SPRED2: variants seen among roughly 807,000 people sequenced by gnomAD.
SPRED2 encodes sprouty-related, EVH1 domain-containing protein 2.
A neutral mutation model predicts 43.0 loss-of-function variants in SPRED2; 47 were observed. The observed-to-expected ratio is 1.09, with a 90% CI of 0.87 to 1.40. SPRED2 has a LOEUF of 1.40. SPRED2 is among the 40% of genes most tolerant of loss of function. The pLI is 0.00. For missense variants in SPRED2, 561 were observed against 586.4 expected (o/e 0.96, Z 0.45); for synonymous variants, 225 against 225.7 (o/e 1.00, Z 0.03).
At chr2:65,374,386 G>A (rs891126940) in intron 1 of SPRED2, among the ~76,000 whole-genome samples, 9 of 152,210 alleles carry the variant, frequency 5.9e-5, no homozygotes, top group African/African-American at 1.9e-4. Context: ...AACTGCAGGA[G>A]CCAGAACTGG....
chr2:65,336,668 G>T (rs1673976046), intron 2 of SPRED2, among the ~76,000 whole-genome samples: 1 of 152,122 alleles, frequency 6.6e-6, no homozygotes, highest in African/African-American at 2.4e-5. Context: ...GAATTTAATA[G>T]TCTCAATTCA....
chr2:65,393,772 T>C (rs1214007663), intron 1 of SPRED2, among the ~76,000 whole-genome samples: 1 of 152,226 alleles, frequency 6.6e-6, no homozygotes, highest in Non-Finnish European at 1.5e-5. Flanking sequence ...TCCCTCATAC[T>C]AGGGAAACAT....
At chr2:65,405,407 C>T (rs776678651) in intron 1 of SPRED2, among the ~76,000 whole-genome samples, 1 of 152,226 alleles carries the variant, frequency 6.6e-6, no homozygotes, top group Admixed American at 6.5e-5. Context: ...AAATCATCCT[C>T]GATTTTCCCT....
intron 1 of SPRED2, among the ~76,000 whole-genome samples, chr2:65,347,383 C>G (rs1674383129): frequency 6.6e-6 from 1 of 152,136 alleles, no homozygotes; most frequent in Non-Finnish European, 1.5e-5. Flanking sequence ...AAACACTACT[C>G]TCAAGTGAAT....
At chr2:65,407,410 C>A (rs1385842564) in intron 1 of SPRED2, among the ~76,000 whole-genome samples, 3 of 150,958 alleles carry the variant, frequency 2.0e-5, no homozygotes, top group African/African-American at 7.3e-5. Flanking sequence ...TTTTGGGGGG[C>A]ATTTTGATTG....
intron 1 of SPRED2, 74 bp downstream of exon 1, chr2:65,431,888 C>G: frequency 1.3e-6 from 2 of 1,570,564 alleles, no homozygotes; most frequent in Non-Finnish European, 1.7e-6. Flanking sequence ...TAAGCGTCCC[C>G]GCCCGCATCC....
At chr2:65,415,876 A>G (rs1376833406) in intron 1 of SPRED2, among the ~76,000 whole-genome samples, 1 of 152,226 alleles carries the variant, frequency 6.6e-6, no homozygotes, top group Non-Finnish European at 1.5e-5. Flanking sequence ...GAAATGAGAA[A>G]GAACAAAGGG....
At position 65,322,294 on chromosome 2, in the gene SPRED2, A is replaced by ATTTT. The variant is rs1178902612; in HGVS notation, c.439-5415_439-5412dup. On this transcript the variant is annotated intron_variant, in intron 4 of 5. Coordinates refer to ENST00000356388, the MANE Select transcript of SPRED2 (RefSeq NM_181784.3). ...TCTATATATATATATATATATATAT[A>ATTTT]TTTTTTTTTTTTTTTTTGAGACGGA... Among the ~76,000 whole-genome samples, 326 of 64,918 alleles carry ATTTT rather than the reference A, an allele frequency of 5.0e-3. 33 individuals carry two copies. Among genetic ancestry groups the ATTTT allele is most frequent in the African/African-American group, 0.012 (166 of 14,020 alleles). 42.6% of individuals were successfully genotyped at this position (64,918 alleles called of 152,430 possible).
intron 3 of SPRED2, chr2:65,334,098 G>T: frequency 4.6e-6 from 2 of 434,350 alleles, no homozygotes; most frequent in Non-Finnish European, 4.7e-6. Flanking sequence ...GTAACACAAT[G>T]CCTACTACTC....
intron 4 of SPRED2, among the ~76,000 whole-genome samples, chr2:65,317,552 CAACAACAAA>C (rs1273135432): frequency 0.026 from 3,108 of 120,478 alleles, 65 homozygotes; most frequent in African/African-American, 0.066. Flanking sequence ...ACAACAACAA[CAACAACAAA>C]AACAAAACAT....
chr2:65,348,575 G>T lies in SPRED2; in HGVS notation c.27-3679C>A, dbSNP rs1390565523. 4.6e-5 allele frequency among the ~76,000 whole-genome samples: 7 copies of T among 152,056 alleles called. 1 individual carries two copies. Among genetic ancestry groups the T allele is most frequent in the Admixed American group, 2.6e-4 (4 of 15,272 alleles). On this transcript the variant is annotated intron_variant, in intron 1 of 5. Coordinates refer to ENST00000356388, the MANE Select transcript of SPRED2 (RefSeq NM_181784.3). ...CCCAGCACTTTGGGAGGCTGAAGTG[G>T]GCGGATAACCTGAGGTCAGGAGTTC...
chr2:65,421,152 C>T (rs781186130), intron 1 of SPRED2, among the ~76,000 whole-genome samples: 38 of 151,950 alleles, frequency 2.5e-4, no homozygotes, highest in Non-Finnish European at 4.9e-4. Flanking sequence ...TTTCTTTCAG[C>T]CATAAAAAAA....
chr2:65,341,104 C>CGTGTGTGT (rs60332643), intron 2 of SPRED2, among the ~76,000 whole-genome samples: 2,087 of 137,128 alleles, frequency 0.015, 24 homozygotes, highest in East Asian at 0.046. Flanking sequence ...TGGGTACGGG[C>CGTGTGTGT]GTGTGTGTGT....
chr2:65,432,225 C>A lies in SPRED2; in HGVS notation c.-238G>T. The A allele has an allele frequency of 2.0e-6, 1 of 495,758 alleles. No homozygotes were observed. The highest frequency in any genetic ancestry group is 3.6e-6 in the Non-Finnish European group (1 of 276,692). 30.7% of individuals were successfully genotyped at this position (495,758 alleles called of 1,614,324 possible). ...AACGCCGCAGCGCCGTGGGGAGAGG[C>A]GGGCGGAGGCTCCGGGGGCTCGGGA... On this transcript the variant is annotated 5_prime_UTR_variant, in exon 1 of 6. Coordinates refer to ENST00000356388, the MANE Select transcript of SPRED2 (RefSeq NM_181784.3).
At chr2:65,354,489 A>T (rs1674591604) in intron 1 of SPRED2, among the ~76,000 whole-genome samples, 1 of 152,142 alleles carries the variant, frequency 6.6e-6, no homozygotes, top group South Asian at 2.1e-4. Flanking sequence ...TGTAGCTTGA[A>T]CACGTATAAA....
chr2:65,322,611 C>T (rs1673465909), intron 4 of SPRED2, among the ~76,000 whole-genome samples: 1 of 151,996 alleles, frequency 6.6e-6, no homozygotes, highest in Non-Finnish European at 1.5e-5. Flanking sequence ...AATATTTATA[C>T]CATCTTCTTC....
intron 1 of SPRED2, among the ~76,000 whole-genome samples, chr2:65,379,476 C>T (rs896022767): frequency 7.9e-5 from 12 of 152,112 alleles, no homozygotes; most frequent in Admixed American, 2.6e-4. Flanking sequence ...CATACTCTGA[C>T]GAGCAACGAT....
At chr2:65,398,491 G>A (rs975818921) in intron 1 of SPRED2, among the ~76,000 whole-genome samples, 3 of 151,688 alleles carry the variant, frequency 2.0e-5, no homozygotes, top group African/African-American at 7.3e-5. Flanking sequence ...ATCCAACAGA[G>A]GACTAATATC....
Position 65,313,460 on chromosome 2 carries a change from C to A in SPRED2, c.*41G>T. 1.3e-6 allele frequency: 2 copies of A among 1,564,804 alleles called. No individual in the cohort carries two copies. Among genetic ancestry groups the A allele is most frequent in the Middle Eastern group, 4.6e-4 (2 of 4,348 alleles). ...ATGAGAGTATGTAAGAGACGAGTTC[C>A]CCTGTGGCTGCGGATGGAGGGAGAA... On this transcript the variant is annotated 3_prime_UTR_variant, in exon 6 of 6. Coordinates refer to ENST00000356388, the MANE Select transcript of SPRED2 (RefSeq NM_181784.3).
Sources: gnomAD v4.1 joint callset for allele counts (sites outside exome capture counted in the v4.1 genomes callset) on GRCh38, gnomAD v4.1.1 for gene constraint, MANE v1.5 for transcripts, NCBI Gene and HGNC (gene_info 2026-07-23, HGNC 2026-07-21) for gene names.